The following USH2A variants were observed in gnomAD, a reference collection of about 807,000 sequenced individuals.
USH2A encodes the protein usherin.
A neutral mutation model predicts 538.9 loss-of-function variants in USH2A; 443 were observed. The observed-to-expected ratio is 0.82, with a 90% CI of 0.76 to 0.89. USH2A has a LOEUF of 0.89. USH2A is among the 40% of genes least tolerant of loss of function. The probability of loss-of-function intolerance (pLI) is 0.00; values close to 1 mark genes in which losing one functional copy is unlikely to be tolerated. For synonymous variants in USH2A, 2,413 were observed against 2,273.5 expected (o/e 1.06, Z -1.75); for missense variants, 6,633 against 6,324.8 (o/e 1.05, Z -1.65).
chr1:215,724,995 T>C (rs1659769384), intron 61 of USH2A, among the ~76,000 whole-genome samples: 1 of 152,120 alleles, frequency 6.6e-6, no homozygotes, highest in Non-Finnish European at 1.5e-5. Flanking sequence ...CATTCTTCTG[T>C]GACGGTGAGG....
chr1:215,688,556 T>A (rs1404336213), intron 61 of USH2A, among the ~76,000 whole-genome samples: 1 of 152,102 alleles, frequency 6.6e-6, no homozygotes, highest in Non-Finnish European at 1.5e-5. Flanking sequence ...AGAAGTTCAT[T>A]TTCTTGCAAT....
At chr1:216,049,071 T>G (rs974358107) in intron 30 of USH2A, among the ~76,000 whole-genome samples, 1 of 152,140 alleles carries the variant, frequency 6.6e-6, no homozygotes, top group Non-Finnish European at 1.5e-5. Flanking sequence ...AACTAAGGAG[T>G]CCTTTTTATA....
intron 61 of USH2A, among the ~76,000 whole-genome samples, chr1:215,697,568 C>T (rs1311733783): frequency 6.6e-6 from 1 of 152,120 alleles, no homozygotes; most frequent in Non-Finnish European, 1.5e-5. Context: ...GTTGACCTGG[C>T]TGGAGTGCAA....
intron 38 of USH2A, among the ~76,000 whole-genome samples, chr1:215,921,854 T>C (rs1456921296): frequency 6.6e-6 from 1 of 152,078 alleles, no homozygotes; most frequent in African/African-American, 2.4e-5. Flanking sequence ...TGAGTTAATA[T>C]ATGCAAAACC....
At chr1:216,287,249 C>T (rs974576623) in intron 11 of USH2A, among the ~76,000 whole-genome samples, 7 of 152,100 alleles carry the variant, frequency 4.6e-5, no homozygotes, top group African/African-American at 1.7e-4. Context: ...AAATTCAACA[C>T]CATTCATAAA....
In USH2A at chr1:216,069,109, G is replaced by A. The variant is rs79742182; in HGVS notation, c.6049+992C>T. Among the ~76,000 whole-genome samples the A allele has an allele frequency of 6.9e-3, 1,043 of 152,208 alleles. 13 individuals are homozygous for A. The highest frequency in any genetic ancestry group is 0.024 in the African/African-American group (978 of 41,522). On this transcript the variant is annotated intron_variant, in intron 30 of 71. Coordinates refer to ENST00000307340, the MANE Select transcript of USH2A (RefSeq NM_206933.4). ...AGTGCTCATCTGAAAGTGGGGTTGAGCATTTTTAGCAATAAACTACTTGGT... is the reference window on the plus strand; with the variant it reads ...AGTGCTCATCTGAAAGTGGGGTTGAACATTTTTAGCAATAAACTACTTGGT...
intron 11 of USH2A, among the ~76,000 whole-genome samples, chr1:216,266,699 T>A (rs1451944654): frequency 6.6e-6 from 1 of 152,084 alleles, no homozygotes; most frequent in South Asian, 2.1e-4. Flanking sequence ...AATATGTATG[T>A]GTGTGTGCAT....
chr1:215,903,260 G>A (rs1575756), intron 38 of USH2A, among the ~76,000 whole-genome samples: 129,205 of 152,056 alleles, frequency 0.85, 55,022 homozygotes, highest in African/African-American at 0.9. Flanking sequence ...TTTGCAAAGA[G>A]CAGATGCAGT....
At chr1:216,259,213 A>G (rs1312541259) in intron 11 of USH2A, among the ~76,000 whole-genome samples, 1 of 152,168 alleles carries the variant, frequency 6.6e-6, no homozygotes, top group Non-Finnish European at 1.5e-5. Flanking sequence ...GCACACTGCG[A>G]TGTTTAGAAG....
At chr1:215,941,218 T>TA (rs965422539) in intron 37 of USH2A, among the ~76,000 whole-genome samples, 61 of 152,152 alleles carry the variant, frequency 4.0e-4, no homozygotes, top group African/African-American at 1.4e-3. Context: ...AAAATAGTTA[T>TA]AAAAATGAAA....
intron 61 of USH2A, among the ~76,000 whole-genome samples, chr1:215,708,882 A>G (rs1354132292): frequency 3.3e-5 from 5 of 152,150 alleles, no homozygotes; most frequent in African/African-American, 7.2e-5. Flanking sequence ...TTATGGTTCT[A>G]TGCTAAGGGG....
chr1:216,330,149 T>C (rs1031890524), intron 4 of USH2A, among the ~76,000 whole-genome samples: 3 of 152,050 alleles, frequency 2.0e-5, no homozygotes, highest in Non-Finnish European at 2.9e-5. Flanking sequence ...TTCTTTTACG[T>C]ATTGATTCAT....
In USH2A at chr1:215,866,989, T is replaced by C. The variant is rs768578260; in HGVS notation, c.8845+18A>G. The stretch of plus-strand genomic sequence containing the variant: ...AAAATACACAAAGTGTTAACACAGG[T>C]ATGAGAAGCTTACTTACTTGGTTTA... On this transcript the variant is annotated intron_variant, in intron 44 of 71. Transcript: ENST00000307340. 1.9e-6 allele frequency: 3 copies of C among 1,614,034 alleles called. No homozygotes were observed. The East Asian group carries it at 6.7e-5, about 36-fold the overall frequency.
intron 11 of USH2A, among the ~76,000 whole-genome samples, chr1:216,252,965 A>T (rs2036192129): frequency 6.6e-6 from 1 of 152,180 alleles, no homozygotes; most frequent in African/African-American, 2.4e-5. Context: ...ACTTTACAGG[A>T]TCAGTCCTGT....
In USH2A at chr1:215,998,922, C is replaced by T. The variant is rs747250565; in HGVS notation, c.6622G>A (p.Val2208Ile). The change falls in exon 34 of 72, where the codon GTT becomes ATT. Residue 2208 changes from valine (V) to isoleucine (I), a missense_variant. Physicochemically the swap from Val to Ile is conservative, Grantham distance 29 (BLOSUM62 3). Coordinates refer to ENST00000307340, the MANE Select transcript of USH2A (RefSeq NM_206933.4). ...ELFQDHMLQY[V>I]LPGNKYLIKL... Reference sequence around the variant, plus strand: ...ATGAGATATTTATTACCAGGTAAAACGTATTGTAGCATATGATCCTGGAAA... The same window carrying T: ...ATGAGATATTTATTACCAGGTAAAATGTATTGTAGCATATGATCCTGGAAA... 1.5e-5 allele frequency: 24 copies of T among 1,612,756 alleles called. No homozygotes were observed. Among genetic ancestry groups the T allele is most frequent in the East Asian group, 4.5e-5 (2 of 44,770 alleles).
At chr1:216,234,791 G>T (rs1416308219) in intron 13 of USH2A, among the ~76,000 whole-genome samples, 1 of 152,198 alleles carries the variant, frequency 6.6e-6, no homozygotes, top group East Asian at 1.9e-4. Context: ...TACAAGTAGG[G>T]GATAGCATTT....
At chr1:215,665,124 G>A (rs1407920028) in intron 64 of USH2A, among the ~76,000 whole-genome samples, 2 of 152,204 alleles carry the variant, frequency 1.3e-5, no homozygotes, top group South Asian at 4.1e-4. Flanking sequence ...ACCTCTGGCA[G>A]TCTTCAGGCA....
At position 216,236,181 on chromosome 1, in the gene USH2A, G is replaced by A. The variant is rs141493310; in HGVS notation, c.2810-4045C>T. ...TTTAAGGGTTTTTCAATTAAATTAGGTATGCTTTAAATGTTCTGCTGTTAT... is the reference window on the plus strand; with the variant it reads ...TTTAAGGGTTTTTCAATTAAATTAGATATGCTTTAAATGTTCTGCTGTTAT... On this transcript the variant is annotated intron_variant, in intron 13 of 71. Transcript: ENST00000307340. Among the ~76,000 whole-genome samples the A allele has an allele frequency of 3.5e-3, 528 of 151,878 alleles. 2 individuals are homozygous for A. The highest frequency in any genetic ancestry group is 0.012 in the African/African-American group (501 of 41,458).
At chr1:215,768,432 G>T (rs1661191119) in intron 55 of USH2A, among the ~76,000 whole-genome samples, 1 of 151,912 alleles carries the variant, frequency 6.6e-6, no homozygotes, top group African/African-American at 2.4e-5. Flanking sequence ...ATGTTCTGCA[G>T]CTGGAGCTGC....
Sources: allele counts gnomAD v4.1 joint callset (sites outside exome capture counted in the v4.1 genomes callset), GRCh38; gene constraint gnomAD v4.1.1; transcripts MANE v1.5; gene names NCBI Gene and HGNC (gene_info 2026-07-23, HGNC 2026-07-21).